Variants in BANK1 observed in about 807,000 individuals in gnomAD.
BANK1 encodes B cell scaffold protein with ankyrin repeats 1, also known as B-cell scaffold protein with ankyrin repeats.
In BANK1, 95 loss-of-function variants were observed where a neutral mutation model predicts 94.5. The ratio of observed to expected loss-of-function variants is 1.00; its 90% CI spans 0.85 to 1.19. The LOEUF is 1.19. Among genes scored for constraint, BANK1 ranks in the 50% most tolerant of loss-of-function variants. BANK1 has a pLI of 0.00. For missense variants in BANK1, 987 were observed against 932.2 expected, an observed-to-expected ratio of 1.06 and a Z score of -0.77; for synonymous variants, 334 against 308.4, an observed-to-expected ratio of 1.08 and a Z score of -0.87.
chr4:101,974,888 T>G (rs1313655969), intron 7 of BANK1, among the ~76,000 whole-genome samples: 4 of 151,938 alleles, frequency 2.6e-5, no homozygotes. Context: ...ACCTGGGAAG[T>G]GGAGGTTGCA....
chr4:101,957,006 TC>T (rs1416573666), intron 7 of BANK1, among the ~76,000 whole-genome samples: 1 of 152,182 alleles, frequency 6.6e-6, no homozygotes, highest in Non-Finnish European at 1.5e-5. Context: ...GCCCATCATC[TC>T]CTTCCTAAGT....
chr4:101,880,346 A>G (rs1182877077), intron 5 of BANK1, among the ~76,000 whole-genome samples: 1 of 152,076 alleles, frequency 6.6e-6, no homozygotes, highest in Non-Finnish European at 1.5e-5. Flanking sequence ...TGTAGCCACA[A>G]ATAAAATTAA....
rs1728465030 is a variant in BANK1, at chr4:102,062,887, C to T, written c.2149-188C>T. The T allele has an allele frequency of 1.1e-5, 6 of 537,982 alleles. No individual in the cohort carries two copies. In the South Asian group the frequency reaches 1.5e-4, roughly 14 times the overall value. The allele number at this position is 537,982 out of a possible 1,614,324, so 33.3% of individuals were successfully genotyped here. A position where few individuals can be genotyped will look rare whatever the true frequency, so the allele number is the denominator to read the frequency against. On this transcript the variant is annotated intron_variant, in intron 12 of 16. Coordinates refer to ENST00000322953, the MANE Select transcript of BANK1 (RefSeq NM_017935.5). The stretch of plus-strand genomic sequence containing the variant: ...AACATGGAATGACGACATTTTACAT[C>T]CACTTCATTAAGCTGTGAGAATTAA...
At chr4:101,801,976 G>T (rs990867314) in intron 1 of BANK1, among the ~76,000 whole-genome samples, 3 of 152,188 alleles carry the variant, frequency 2.0e-5, no homozygotes, top group Admixed American at 2.0e-4. Context: ...CCACCTGCCT[G>T]CTAGGGTCTA....
At chr4:102,039,246 G>A (rs1032621609) in intron 10 of BANK1, among the ~76,000 whole-genome samples, 8 of 152,062 alleles carry the variant, frequency 5.3e-5, no homozygotes, top group African/African-American at 1.9e-4. Flanking sequence ...GCCTGTATTT[G>A]ATAAGGTTTC....
chr4:101,941,097 A>C (rs1389983178), intron 7 of BANK1, among the ~76,000 whole-genome samples: 1 of 151,732 alleles, frequency 6.6e-6, no homozygotes, highest in Non-Finnish European at 1.5e-5. Flanking sequence ...TTGGATTATA[A>C]TCCAAAACTA....
At chr4:101,812,669 T>A (rs936961040) in intron 1 of BANK1, among the ~76,000 whole-genome samples, 1 of 152,096 alleles carries the variant, frequency 6.6e-6, no homozygotes, top group Non-Finnish European at 1.5e-5. Context: ...GTTCTTCATA[T>A]TCTAAAATCA....
chr4:101,834,928 AT>A (rs1421056636), intron 2 of BANK1, among the ~76,000 whole-genome samples: 1 of 152,134 alleles, frequency 6.6e-6, no homozygotes, highest in African/African-American at 2.4e-5. Flanking sequence ...TAACATTAAA[AT>A]TTTTTTAAAA....
At chr4:101,874,915 G>C (rs11734196) in intron 5 of BANK1, among the ~76,000 whole-genome samples, 13,207 of 152,152 alleles carry the variant, frequency 0.087, 843 homozygotes, top group African/African-American at 0.18. Flanking sequence ...TTTTTACAGT[G>C]CTAATTGAGT....
chr4:101,910,938 A>T (rs1166245179), intron 6 of BANK1, among the ~76,000 whole-genome samples: 2 of 152,278 alleles, frequency 1.3e-5, no homozygotes, highest in Non-Finnish European at 2.9e-5. Flanking sequence ...AAGAAAACAG[A>T]ACTACAAAAA....
At chr4:102,026,035 C>T (rs962362091) in intron 9 of BANK1, among the ~76,000 whole-genome samples, 3 of 152,144 alleles carry the variant, frequency 2.0e-5, no homozygotes, top group African/African-American at 4.8e-5. Context: ...AAGGGTTTGT[C>T]GCACACTGCA....
intron 13 of BANK1, among the ~76,000 whole-genome samples, chr4:102,069,886 G>A (rs1474027295): frequency 6.6e-6 from 1 of 152,046 alleles, no homozygotes; most frequent in Non-Finnish European, 1.5e-5. Flanking sequence ...CAGACACAAG[G>A]GAATCAGACA....
chr4:101,896,159 CAGAT>C (rs1201242379), intron 6 of BANK1, among the ~76,000 whole-genome samples: 1 of 151,600 alleles, frequency 6.6e-6, no homozygotes, highest in Admixed American at 6.6e-5. Context: ...ATTATATTTC[CAGAT>C]GTCATCGTGA....
intron 7 of BANK1, among the ~76,000 whole-genome samples, chr4:101,945,758 G>A (rs1031344630): frequency 6.6e-5 from 10 of 151,888 alleles, no homozygotes; most frequent in Admixed American, 1.3e-4. Flanking sequence ...TTTGCTAAAT[G>A]AATGGATGAA....
At chr4:101,806,654 T>G (rs551119967) in intron 1 of BANK1, among the ~76,000 whole-genome samples, 1 of 152,342 alleles carries the variant, frequency 6.6e-6, no homozygotes, top group African/African-American at 2.4e-5. Context: ...TGCATAATAG[T>G]AATGCAATTA....
intron 7 of BANK1, among the ~76,000 whole-genome samples, chr4:102,016,540 C>A (rs543919835): frequency 6.6e-6 from 1 of 152,166 alleles, no homozygotes; most frequent in Admixed American, 6.5e-5. Flanking sequence ...TCATCACCCT[C>A]GTTTAACTTT....
chr4:101,901,209 T>C (rs950576644), intron 6 of BANK1, among the ~76,000 whole-genome samples: 1 of 152,228 alleles, frequency 6.6e-6, no homozygotes, highest in Non-Finnish European at 1.5e-5. Context: ...TACCAATAGG[T>C]ATTATTTATA....
chr4:101,863,668 C>A (rs1209936549), intron 4 of BANK1, among the ~76,000 whole-genome samples: 1 of 152,106 alleles, frequency 6.6e-6, no homozygotes, highest in East Asian at 1.9e-4. Flanking sequence ...CATTTATAAA[C>A]ATTTCAGACA....
intron 11 of BANK1, among the ~76,000 whole-genome samples, chr4:102,049,987 C>T (rs1425786360): frequency 6.6e-6 from 1 of 152,162 alleles, no homozygotes; most frequent in Non-Finnish European, 1.5e-5. Context: ...TTGCAGATAG[C>T]CCACCCCAAG....
Sources: allele counts gnomAD v4.1 joint callset (sites outside exome capture counted in the v4.1 genomes callset), GRCh38; gene constraint gnomAD v4.1.1; transcripts MANE v1.5; gene names NCBI Gene and HGNC (gene_info 2026-07-23, HGNC 2026-07-21).